Variants in DOCK6 observed in about 807,000 individuals in gnomAD.
DOCK6 encodes the protein dedicator of cytokinesis protein 6.
Under a neutral mutation model 230.3 loss-of-function variants are expected in DOCK6, and 167 were observed. The observed-to-expected ratio is 0.73, with a 90% CI of 0.64 to 0.82. The LOEUF is 0.82. Among genes scored for constraint, DOCK6 ranks in the 40% least tolerant of loss-of-function variants. The pLI is 0.00. For synonymous variants in DOCK6, 1,148 were observed against 1,185.0 expected (o/e 0.97, Z 0.64); for missense variants, 2,598 against 2,825.8 (o/e 0.92, Z 1.83).
chr19:11,211,239 T>C (rs2079379148), intron 37 of DOCK6, among the ~76,000 whole-genome samples: 1 of 151,382 alleles, frequency 6.6e-6, no homozygotes, highest in African/African-American at 2.4e-5. Flanking sequence ...AACTCACTAT[T>C]TCCCCTTCCT....
At position 11,250,801 on chromosome 19, in the gene DOCK6, T is replaced by C. The variant is rs2080105039; in HGVS notation, c.720+73A>G. 4 of 1,439,506 alleles carry C rather than the reference T, an allele frequency of 2.8e-6. No individual in the cohort carries two copies. The Admixed American group carries it at 7.7e-5, about 28-fold the overall frequency. 89.2% of individuals were successfully genotyped at this position (1,439,506 alleles called of 1,614,324 possible). On this transcript the variant is annotated intron_variant, in intron 6 of 47. Coordinates refer to ENST00000294618, the MANE Select transcript of DOCK6 (RefSeq NM_020812.4). ...AGTAGATGTCCATCTATAGAAGCTA[T>C]TGAATAAACATGAAGTATACAATAG...
intron 24 of DOCK6, among the ~76,000 whole-genome samples, chr19:11,223,963 T>G (rs1393926089): frequency 6.6e-6 from 1 of 151,984 alleles, no homozygotes; most frequent in Non-Finnish European, 1.5e-5. Flanking sequence ...CACCATTTAA[T>G]GTGAGCTTTA....
rs1416827445 is a variant in DOCK6, at chr19:11,202,821, A to T, written c.5236-112T>A. On this transcript the variant is annotated intron_variant, in intron 41 of 47. Transcript: ENST00000294618. The surrounding 1 kb of genome is among the most constrained non-coding windows in gnomAD (Gnocchi z 5.3). ...ATGGGAGTGTGAGGACCCCGAGAAC[A>T]TCAGGGCATGGGCACAGGCAGGGGG... 2.6e-6 allele frequency: 4 copies of T among 1,558,410 alleles called. No individual in the cohort carries two copies. The highest frequency in any genetic ancestry group is 3.5e-6 in the Non-Finnish European group (4 of 1,146,032).
chr19:11,238,159 C>T, intron 15 of DOCK6, 28 bp downstream of exon 15: 1 of 1,613,830 alleles, frequency 6.2e-7, no homozygotes, highest in Non-Finnish European at 8.5e-7. Context: ...GATGCCCTAC[C>T]CCCCTTCCCT....
chr19:11,245,475 G>T, intron 9 of DOCK6, 88 bp downstream of exon 9: 2 of 1,337,350 alleles, frequency 1.5e-6, no homozygotes, highest in Non-Finnish European at 2.1e-6. Flanking sequence ...TACCCTTCTT[G>T]GTGATGTATC....
chr19:11,200,610 TG>T lies in DOCK6; in HGVS notation c.5939+105del. On this transcript the variant is annotated intron_variant, in intron 46 of 47. Coordinates refer to ENST00000294618, the MANE Select transcript of DOCK6 (RefSeq NM_020812.4). This position sits in a 1 kb window ranked among gnomAD's most constrained non-coding sequence, Gnocchi z 4.3. ...GGTCAGGTTGGGAGAGTGGACTTAA[TG>T]GGAATCGGGCAGATGGGGGAGCCAT... The T allele has an allele frequency of 6.7e-7, 1 of 1,496,394 alleles. No individual in the cohort carries two copies. Among genetic ancestry groups the T allele is most frequent in the Non-Finnish European group, 9.0e-7 (1 of 1,109,082 alleles). The allele number at this position is 1,496,394 out of a possible 1,614,324, so 92.7% of individuals were successfully genotyped here. A position where few individuals can be genotyped will look rare whatever the true frequency, so the allele number is the denominator to read the frequency against.
At position 11,248,066 on chromosome 19, in the gene DOCK6, T is replaced by C. The variant is rs1251257520; in HGVS notation, c.806A>G (p.Lys269Arg). The C allele has an allele frequency of 2.5e-6, 4 of 1,611,228 alleles. No individual in the cohort carries two copies. The highest frequency in any genetic ancestry group is 2.2e-5 in the South Asian group (2 of 90,346). ...QRILVKCLSLKFEIEIEPIFG... is the reference protein window; with the variant it reads ...QRILVKCLSLRFEIEIEPIFG... ...AAGAGAGACATGTCAGTATACTCACTTGAGCGACAGACACTTGACCAAGAT... is the reference window on the plus strand; with the variant it reads ...AAGAGAGACATGTCAGTATACTCACCTGAGCGACAGACACTTGACCAAGAT... Residue 269 changes from lysine (K) to arginine (R), a missense_variant and splice_region_variant, in exon 7 of 48, where the codon AAG (lysine) becomes AGG (arginine). Transcript: ENST00000294618.
At position 11,201,344 on chromosome 19, in the gene DOCK6, G is replaced by A. The variant is rs2079166045; in HGVS notation, c.5689-292C>T. 6.6e-6 allele frequency among the ~76,000 whole-genome samples: 1 copy of A among 152,014 alleles called. No homozygotes were observed. Among genetic ancestry groups the A allele is most frequent in the South Asian group, 2.1e-4 (1 of 4,818 alleles). On this transcript the variant is annotated intron_variant, in intron 44 of 47. Transcript: ENST00000294618. This position sits in a 1 kb window ranked among gnomAD's most constrained non-coding sequence, Gnocchi z 4.3. ...AGTTTGGGGTCCCCAACCTGGTTCT[G>A]GGGTACATGAGCCAATTTCTGGGTC...
At chr19:11,208,642 C>T in intron 39 of DOCK6, 44 bp downstream of exon 39, 1 of 1,586,614 alleles carries the variant, frequency 6.3e-7, no homozygotes, top group East Asian at 2.3e-5. Context: ...TGGCACCTCC[C>T]TGGCCCGAGC....
intron 14 of DOCK6, chr19:11,239,891 G>A (rs376405688): frequency 2.1e-4 from 334 of 1,594,094 alleles, no homozygotes; most frequent in Non-Finnish European, 2.6e-4. Context: ...AGCCGGGGCC[G>A]GGATGCAGCC....
At chr19:11,209,557 C>A (rs2079328093) in intron 37 of DOCK6, among the ~76,000 whole-genome samples, 1 of 147,756 alleles carries the variant, frequency 6.8e-6, no homozygotes, top group Non-Finnish European at 1.5e-5. Flanking sequence ...TCTATCCCCT[C>A]ACCTGTCCAC....
intron 1 of DOCK6, among the ~76,000 whole-genome samples, chr19:11,260,888 A>AAAAAAAAAAAAG (rs1388862837): frequency 1.3e-5 from 2 of 150,094 alleles, no homozygotes; most frequent in Non-Finnish European, 3.0e-5. Context: ...GTCTCAAAAA[A>AAAAAAAAAAAAG]AAAAAAAGAA....
chr19:11,204,150 A>C lies in DOCK6; in HGVS notation c.5220+50T>G, dbSNP rs78476911. The C allele has an allele frequency of 6.1e-5, 49 of 805,100 alleles. No individual in the cohort carries two copies. The highest frequency in any genetic ancestry group is 5.4e-4 in the African/African-American group (21 of 38,770). The allele number at this position is 805,100 out of a possible 1,614,324, so 49.9% of individuals were successfully genotyped here. ...AGATCCCTGGGGATGAGGAGTGGGGATGAGGAGTGGGGCTGAGGGTGGGGT... is the reference window on the plus strand; with the variant it reads ...AGATCCCTGGGGATGAGGAGTGGGGCTGAGGAGTGGGGCTGAGGGTGGGGT... On this transcript the variant is annotated intron_variant, in intron 40 of 47. Coordinates refer to ENST00000294618, the MANE Select transcript of DOCK6 (RefSeq NM_020812.4).
chr19:11,243,852 T>C lies in DOCK6; in HGVS notation c.1054A>G (p.Ser352Gly). 6.2e-7 allele frequency: 1 copy of C among 1,612,692 alleles called. No individual in the cohort carries two copies. Among genetic ancestry groups the C allele is most frequent in the Non-Finnish European group, 8.5e-7 (1 of 1,179,420 alleles). The change falls in exon 10 of 48, where the codon AGT becomes GGT. Residue 352 changes from serine (S) to glycine (G), a missense_variant. Physicochemically the swap from Ser to Gly is moderately conservative, Grantham distance 56 (BLOSUM62 0). Transcript: ENST00000294618. The surrounding 1 kb of genome is among the most constrained non-coding windows in gnomAD (Gnocchi z 6.3). Reference protein sequence around the residue: ...LEKVLQQGDISECCEPYMVLK... With the variant: ...LEKVLQQGDIGECCEPYMVLK... ...ACCATGTAAGGCTCACAGCACTCAC[T>C]GATGTCCCCTTGCTGAAGCACCTTC...
At chr19:11,226,651 T>C (rs1366630501) in intron 24 of DOCK6, among the ~76,000 whole-genome samples, 2 of 152,014 alleles carry the variant, frequency 1.3e-5, no homozygotes, top group Non-Finnish European at 2.9e-5. Context: ...AGAGTGAAAC[T>C]CTGTCTCAGA....
In DOCK6 at chr19:11,243,158, T is replaced by C; in HGVS notation, c.1387-6A>G. On this transcript the variant is annotated splice_polypyrimidine_tract_variant and splice_region_variant and intron_variant, in intron 12 of 47. Coordinates refer to ENST00000294618, the MANE Select transcript of DOCK6 (RefSeq NM_020812.4). The surrounding 1 kb of genome is among the most constrained non-coding windows in gnomAD (Gnocchi z 6.3). ...TCACTGAGTCGCTCAGCCTCCTACATGGGACCCACTCCCGTCAGCCTGGGC... is the reference window on the plus strand; with the variant it reads ...TCACTGAGTCGCTCAGCCTCCTACACGGGACCCACTCCCGTCAGCCTGGGC... 6.2e-7 allele frequency: 1 copy of C among 1,613,482 alleles called. No homozygotes were observed. Among genetic ancestry groups the C allele is most frequent in the Non-Finnish European group, 8.5e-7 (1 of 1,179,470 alleles).
chr19:11,239,998 G>C, intron 14 of DOCK6: 1 of 1,550,370 alleles, frequency 6.5e-7, no homozygotes, highest in Non-Finnish European at 8.7e-7. Context: ...CGTGTCTAGG[G>C]TAACCAACCA....
At chr19:11,212,246 C>A in intron 35 of DOCK6, 95 bp from the exon 36 acceptor site, 3 of 1,416,710 alleles carry the variant, frequency 2.1e-6, no homozygotes, top group South Asian at 1.4e-5. Flanking sequence ...CCCTTGCGTT[C>A]TTTATTTTTT....
chr19:11,216,520 G>A (rs1600876229), intron 30 of DOCK6, among the ~76,000 whole-genome samples: 1 of 151,722 alleles, frequency 6.6e-6, no homozygotes, highest in Non-Finnish European at 1.5e-5. Context: ...TGATTCTCCT[G>A]TCTCAGCCTC....
Sources: allele counts gnomAD v4.1 joint callset (sites outside exome capture counted in the v4.1 genomes callset), GRCh38; gene constraint gnomAD v4.1.1; non-coding constraint Gnocchi (gnomAD v3.1); transcripts MANE v1.5; gene names NCBI Gene and HGNC (gene_info 2026-07-23, HGNC 2026-07-21).